Variants in CDS2 observed in about 807,000 individuals in gnomAD.
The protein encoded by CDS2 is CDP-diacylglycerol synthase 2.
Under a neutral mutation model 59.0 loss-of-function variants are expected in CDS2, and 47 were observed. The observed-to-expected ratio is 0.80, with a 90% CI of 0.63 to 1.02. The LOEUF (loss-of-function observed/expected upper bound fraction) is 1.02. CDS2 is among the 50% of genes least tolerant of loss of function. The pLI, the probability that CDS2 is intolerant of heterozygous loss-of-function variation, is 0.00. For synonymous variants in CDS2, 207 were observed against 206.4 expected, an observed-to-expected ratio of 1.00 and a Z score of -0.02; for missense variants, 356 against 558.9, an observed-to-expected ratio of 0.64 and a Z score of 3.66.
intron 1 of CDS2, among the ~76,000 whole-genome samples, chr20:5,171,876 C>G (rs1277989766): frequency 1.3e-5 from 2 of 152,212 alleles, no homozygotes; most frequent in East Asian, 3.8e-4. Context: ...GTGGCTCTCT[C>G]CCTTGGATCC....
intron 1 of CDS2, among the ~76,000 whole-genome samples, chr20:5,142,428 C>T (rs2090702442): frequency 1.3e-5 from 2 of 151,284 alleles, no homozygotes; most frequent in Admixed American, 6.6e-5. Context: ...ACCTGGGTAA[C>T]AGAGCAAGAC....
At position 5,186,720 on chromosome 20, in the gene CDS2, G is replaced by T; in HGVS notation, c.862G>T (p.Val288Phe). ...TGTGATGTCCGGGTACAGATGCTTT[G>T]TCTGCCCTGTGGAGTACAACAATGA... ...SYVMSGYRCF[V>F]CPVEYNNDTN... Residue 288 changes from valine (V) to phenylalanine (F), a missense_variant, in exon 10 of 13, where the codon GTC becomes TTC. Physicochemically the swap from Val to Phe is conservative, Grantham distance 50. This residue lies in a region of CDS2 where 88 missense variants were observed against 103.6 expected (regional missense o/e 0.85). Transcript: ENST00000460006. The T allele has an allele frequency of 6.2e-7, 1 of 1,614,050 alleles. No individual in the cohort carries two copies. The highest frequency in any genetic ancestry group is 8.5e-7 in the Non-Finnish European group (1 of 1,180,006).
At position 5,186,583 on chromosome 20, in the gene CDS2, A is replaced by G. The variant is rs774342354; in HGVS notation, c.829-104A>G. 218 of 1,068,668 alleles carry G rather than the reference A, an allele frequency of 2.0e-4. 1 individual carries two copies. The highest frequency in any genetic ancestry group is 2.8e-4 in the Non-Finnish European group (198 of 708,840). The allele number at this position is 1,068,668 out of a possible 1,614,324, so 66.2% of individuals were successfully genotyped here. On this transcript the variant is annotated intron_variant, in intron 9 of 12. Transcript: ENST00000460006. ...TCTGAGCACATAGCTCGCAGTTAGC[A>G]GGGTACTAGGCACCCTCAGGAACAT...
chr20:5,180,222 T>C (rs1353892638), intron 5 of CDS2, among the ~76,000 whole-genome samples: 2 of 152,022 alleles, frequency 1.3e-5, no homozygotes, highest in East Asian at 1.9e-4. Context: ...GTGAGAGAGA[T>C]AAAAAGGTGG....
At chr20:5,135,175 T>C (rs1468820097) in intron 1 of CDS2, among the ~76,000 whole-genome samples, 1 of 152,170 alleles carries the variant, frequency 6.6e-6, no homozygotes, top group Non-Finnish European at 1.5e-5. Context: ...CAAGCGATCT[T>C]CTCGCCTCGG....
intron 1 of CDS2, among the ~76,000 whole-genome samples, chr20:5,162,705 T>A (rs977744071): frequency 6.6e-6 from 1 of 151,386 alleles, no homozygotes; most frequent in Non-Finnish European, 1.5e-5. Flanking sequence ...AGGGAGAGAG[T>A]GTGGTAGGTC....
At position 5,190,703 on chromosome 20, in the gene CDS2, G is replaced by A. The variant is rs924419663; in HGVS notation, c.*469G>A. 6.6e-6 allele frequency: 1 copy of A among 152,104 alleles called. No homozygotes were observed. The highest frequency in any genetic ancestry group is 6.5e-5 in the Admixed American group (1 of 15,276). The allele number at this position is 152,104 out of a possible 1,614,324, so 9.4% of individuals were successfully genotyped here. ...GGTCTTTTCTAGAAATCCCTGCTTG[G>A]AGCTGCAGAAGGGTTGCCTTCTGTA... On this transcript the variant is annotated 3_prime_UTR_variant, in exon 13 of 13. Coordinates refer to ENST00000460006, the MANE Select transcript of CDS2 (RefSeq NM_003818.4).
intron 1 of CDS2, among the ~76,000 whole-genome samples, chr20:5,148,402 A>T (rs2090761047): frequency 6.6e-6 from 1 of 152,180 alleles, no homozygotes; most frequent in African/African-American, 2.4e-5. Flanking sequence ...CTTCAAAATA[A>T]GAGGTCTTTG....
At chr20:5,131,181 G>A (rs1568525457) in intron 1 of CDS2, among the ~76,000 whole-genome samples, 2 of 151,442 alleles carry the variant, frequency 1.3e-5, no homozygotes, top group African/African-American at 4.9e-5. Flanking sequence ...AAACTGTCTT[G>A]TAAATAGAAA....
intron 1 of CDS2, among the ~76,000 whole-genome samples, chr20:5,143,355 A>G (rs954465955): frequency 3.8e-4 from 58 of 152,228 alleles, no homozygotes; most frequent in Admixed American, 2.9e-3. Flanking sequence ...GATTGGCACA[A>G]TCATTCTGGA....
intron 1 of CDS2, among the ~76,000 whole-genome samples, chr20:5,131,264 C>T (rs1463153605): frequency 6.6e-6 from 1 of 152,152 alleles, no homozygotes; most frequent in East Asian, 1.9e-4. Flanking sequence ...TATTTAGCAT[C>T]TGAGAATGGA....
intron 1 of CDS2, among the ~76,000 whole-genome samples, chr20:5,167,017 A>C (rs1295076696): frequency 2.6e-5 from 4 of 152,030 alleles, no homozygotes; most frequent in Non-Finnish European, 4.4e-5. Flanking sequence ...GAAGATGGAG[A>C]GGGCAATGGA....
At chr20:5,132,900 C>T (rs548800006) in intron 1 of CDS2, among the ~76,000 whole-genome samples, 24 of 151,966 alleles carry the variant, frequency 1.6e-4, no homozygotes, top group Non-Finnish European at 3.1e-4. Context: ...CGGCCGGGCG[C>T]GGTGGCTCAC....
At chr20:5,137,583 A>G (rs2090658383) in intron 1 of CDS2, among the ~76,000 whole-genome samples, 1 of 151,982 alleles carries the variant, frequency 6.6e-6, no homozygotes, top group African/African-American at 2.4e-5. Context: ...AAATTATCTC[A>G]GAGCATCTCT....
In CDS2 at chr20:5,177,743, G is replaced by T. The variant is rs548314344; in HGVS notation, c.389+998G>T. Among the ~76,000 whole-genome samples, 268 of 152,248 alleles carry T rather than the reference G, an allele frequency of 1.8e-3. 3 individuals carry two copies. Among genetic ancestry groups the T allele is most frequent in the Non-Finnish European group, 6.6e-4 (45 of 68,026 alleles). ...AGCCGATGTGCTCAGATGTAGGCTGGGCACCCCCTTCCTGAGGTGTTTCCT... is the reference window on the plus strand; with the variant it reads ...AGCCGATGTGCTCAGATGTAGGCTGTGCACCCCCTTCCTGAGGTGTTTCCT... On this transcript the variant is annotated intron_variant, in intron 4 of 12. Coordinates refer to ENST00000460006, the MANE Select transcript of CDS2 (RefSeq NM_003818.4).
intron 1 of CDS2, among the ~76,000 whole-genome samples, chr20:5,133,443 A>G (rs112249248): frequency 3.9e-5 from 6 of 152,254 alleles, no homozygotes; most frequent in Non-Finnish European, 8.8e-5. Flanking sequence ...ATAGAAGAGG[A>G]TGCCACAGCT....
intron 11 of CDS2, 138 bp from the exon 12 acceptor site, chr20:5,189,597 C>T (rs2091097079): frequency 3.0e-6 from 2 of 672,140 alleles, no homozygotes; most frequent in Non-Finnish European, 2.7e-6. Context: ...TATAGCCTCA[C>T]CATTAGATTT....
At chr20:5,147,599 T>G (rs2122984714) in intron 1 of CDS2, among the ~76,000 whole-genome samples, 1 of 152,194 alleles carries the variant, frequency 6.6e-6, no homozygotes, top group African/African-American at 2.4e-5. Flanking sequence ...TTGTAGGGGC[T>G]CCCTATGTTG....
rs1033235568 is a variant in CDS2, at chr20:5,195,741, C to T, written c.*5507C>T. On this transcript the variant is annotated 3_prime_UTR_variant, in exon 13 of 13. Transcript: ENST00000460006. The stretch of plus-strand genomic sequence containing the variant: ...AAAAGCCTAGAAGTTCTGCCCACAT[C>T]CTTATGACGCAGCCAATCTGGAGCT... 6.6e-6 allele frequency: 1 copy of T among 152,178 alleles called. No individual in the cohort carries two copies. The highest frequency in any genetic ancestry group is 1.5e-5 in the Non-Finnish European group (1 of 68,058). The allele number at this position is 152,178 out of a possible 1,614,324, so 9.4% of individuals were successfully genotyped here.
Sources: gnomAD v4.1 joint callset for allele counts (sites outside exome capture counted in the v4.1 genomes callset) on GRCh38, gnomAD v4.1.1 for gene constraint, gnomAD v4.1.1 regional missense constraint, MANE v1.5 for transcripts, NCBI Gene and HGNC (gene_info 2026-07-23, HGNC 2026-07-21) for gene names.